ELMOD3: variants seen among roughly 807,000 people sequenced by gnomAD.
ELMOD3 encodes ELMO domain-containing protein 3.
Under a neutral mutation model 47.4 loss-of-function variants are expected in ELMOD3, and 36 were observed. That is an observed-to-expected ratio of 0.76 (90% CI 0.58 to 1.00). ELMOD3 has a LOEUF of 1.00. ELMOD3 is among the 50% of genes least tolerant of loss of function. The pLI, the probability that ELMOD3 is intolerant of heterozygous loss-of-function variation, is 0.00. For missense variants in ELMOD3, 404 were observed against 463.8 expected (o/e 0.87, Z 1.18); for synonymous variants, 149 against 183.5 (o/e 0.81, Z 1.52).
chr2:85,358,279 C>CAAA (rs1019363756), intron 4 of ELMOD3, among the ~76,000 whole-genome samples: 6 of 55,770 alleles, frequency 1.1e-4, no homozygotes, highest in East Asian at 9.1e-4. Flanking sequence ...ACTCTGTCTC[C>CAAA]AAAAAAAAAA....
chr2:85,390,837 G>A lies in ELMOD3; in HGVS notation c.1021G>A (p.Gly341Arg). Reference sequence around the variant, plus strand: ...GCTGTACTTGGCCAGGGTGTCAAAGGGACAGGCCTCCTTGTTGGGAGCACA... The same window carrying A: ...GCTGTACTTGGCCAGGGTGTCAAAGAGACAGGCCTCCTTGTTGGGAGCACA... ...LELYLARVSK[G>R]QASLLGAQKC... The change falls in exon 14 of 14, where the codon GGA (glycine) becomes AGA (arginine). Residue 341 changes from glycine (G) to arginine (R), a missense_variant. Coordinates refer to ENST00000409013, the MANE Select transcript of ELMOD3 (RefSeq NM_001135022.2). The A allele has an allele frequency of 6.4e-7, 1 of 1,551,618 alleles. No homozygotes were observed. Among genetic ancestry groups the A allele is most frequent in the Non-Finnish European group, 8.7e-7 (1 of 1,146,990 alleles).
At chr2:85,360,781 T>C (rs1683897794) in intron 4 of ELMOD3, 1 of 258,040 alleles carries the variant, frequency 3.9e-6, no homozygotes, top group Admixed American at 4.7e-5. Flanking sequence ...GCCCTTTACA[T>C]TTTTACATAA....
At chr2:85,389,545 C>T (rs1406035552) in intron 11 of ELMOD3, 7 of 599,142 alleles carry the variant, frequency 1.2e-5, no homozygotes, top group Non-Finnish European at 1.8e-5. Context: ...GTTCCCATGC[C>T]TTAGGAAAGT....
Position 85,362,762 on chromosome 2 carries a change from T to G in ELMOD3, c.130-335T>G, listed in dbSNP as rs903547015. Reference sequence around the variant, plus strand: ...AGTGAAACTCCATCTGTACTAAAAATACAAAACTAGCTGGGTGTGGTGATG... The same window carrying G: ...AGTGAAACTCCATCTGTACTAAAAAGACAAAACTAGCTGGGTGTGGTGATG... On this transcript the variant is annotated intron_variant, in intron 5 of 13. Coordinates refer to ENST00000409013, the MANE Select transcript of ELMOD3 (RefSeq NM_001135022.2). Among the ~76,000 whole-genome samples the G allele has an allele frequency of 3.3e-5, 5 of 152,072 alleles. 1 individual carries two copies. The Middle Eastern group carries it at 0.01, about 310-fold the overall frequency.
At chr2:85,360,397 A>C (rs1190373368) in intron 4 of ELMOD3, among the ~76,000 whole-genome samples, 1 of 146,016 alleles carries the variant, frequency 6.8e-6, no homozygotes, top group East Asian at 2.1e-4. Flanking sequence ...TCTGTTGCCC[A>C]GGCTGGAGTG....
At chr2:85,358,754 C>T (rs892010298) in intron 4 of ELMOD3, among the ~76,000 whole-genome samples, 3 of 151,404 alleles carry the variant, frequency 2.0e-5, no homozygotes, top group African/African-American at 7.3e-5. Context: ...TGGCATAATA[C>T]ATTCACATGG....
At chr2:85,368,659 G>A in intron 6 of ELMOD3, 27 bp from the exon 7 acceptor site, 2 of 1,612,908 alleles carry the variant, frequency 1.2e-6, no homozygotes, top group East Asian at 4.5e-5. Context: ...AGATCTCAGA[G>A]GGTCTCCTTT....
In ELMOD3 at chr2:85,390,244, G is replaced by T. The variant is rs754957701; in HGVS notation, c.922G>T (p.Asp308Tyr). The T allele has an allele frequency of 6.2e-7, 1 of 1,614,194 alleles. No individual in the cohort carries two copies. The highest frequency in any genetic ancestry group is 1.7e-5 in the Admixed American group (1 of 60,024). ...GAGGACACAGCGGAAGACCATCTCAGACTCGGGCTTTGTCCTCAAAGGTGT... is the reference window on the plus strand; with the variant it reads ...GAGGACACAGCGGAAGACCATCTCATACTCGGGCTTTGTCCTCAAAGGTGT... ...VWRTQRKTISDSGFVLKELEV... is the reference protein window; with the variant it reads ...VWRTQRKTISYSGFVLKELEV... Residue 308 changes from aspartate to tyrosine, a missense_variant, in exon 13 of 14, where the codon GAC becomes TAC. Transcript: ENST00000409013.
intron 6 of ELMOD3, among the ~76,000 whole-genome samples, chr2:85,365,401 A>T (rs1385816760): frequency 6.6e-6 from 1 of 151,804 alleles, no homozygotes; most frequent in Non-Finnish European, 1.5e-5. Flanking sequence ...GAGAATTAAT[A>T]AATAAGCTGA....
rs1485890684 is a variant in ELMOD3 at position 85,371,119 on chromosome 2, C to T, written c.394C>T (p.Leu132Phe). ...RIQPTIRRTG[L>F]AALRHYLFGP... is the part of the protein sequence containing the mutation. Reference sequence around the variant, plus strand: ...CCAGCCAACTATTCGAAGGACTGGGCTCGCCGCCCTCCGACACTACCTCTT... The same window carrying T: ...CCAGCCAACTATTCGAAGGACTGGGTTCGCCGCCCTCCGACACTACCTCTT... The change falls in exon 9 of 14, where the codon CTC becomes TTC. Residue 132 changes from leucine (L) to phenylalanine (F), a missense_variant. Leu to Phe is a conservative substitution (Grantham distance 22). Coordinates refer to ENST00000409013, the MANE Select transcript of ELMOD3 (RefSeq NM_001135022.2). 6.2e-7 allele frequency: 1 copy of T among 1,614,220 alleles called. No homozygotes were observed. The highest frequency in any genetic ancestry group is 8.5e-7 in the Non-Finnish European group (1 of 1,180,016).
At chr2:85,384,032 C>T (rs1685761708) in intron 11 of ELMOD3, among the ~76,000 whole-genome samples, 1 of 152,108 alleles carries the variant, frequency 6.6e-6, no homozygotes, top group Non-Finnish European at 1.5e-5. Context: ...GAAGCAAAAG[C>T]GGGATGACTG....
In ELMOD3 at chr2:85,391,174, C is replaced by T; in HGVS notation, c.*212C>T. 3.5e-6 allele frequency: 2 copies of T among 568,266 alleles called. No homozygotes were observed. Among genetic ancestry groups the T allele is most frequent in the Non-Finnish European group, 6.3e-6 (2 of 316,754 alleles). 35.2% of individuals were successfully genotyped at this position (568,266 alleles called of 1,614,324 possible). The stretch of plus-strand genomic sequence containing the variant: ...CTTCACCCCCTTCCCGCAGACCTGC[C>T]TCCAGAGCAAGGAGAATTCTGCCTT... On this transcript the variant is annotated 3_prime_UTR_variant, in exon 14 of 14. Coordinates refer to ENST00000409013, the MANE Select transcript of ELMOD3 (RefSeq NM_001135022.2).
At chr2:85,372,623 C>T (rs1236172902) in intron 10 of ELMOD3, 1 of 152,000 alleles carries the variant, frequency 6.6e-6, no homozygotes, top group South Asian at 2.1e-4. Flanking sequence ...GGCATGGTGG[C>T]TCACACCTAT....
Position 85,354,976 on chromosome 2 carries a change from A to G in ELMOD3, c.-371-100A>G, listed in dbSNP as rs551018732. 5.7e-4 allele frequency: 89 copies of G among 157,156 alleles called. No individual in the cohort carries two copies. The Middle Eastern group carries it at 0.017, about 29-fold the overall frequency. The allele number at this position is 157,156 out of a possible 1,614,324, so 9.7% of individuals were successfully genotyped here. A position where few individuals can be genotyped will look rare whatever the true frequency, so the allele number is the denominator to read the frequency against. The stretch of plus-strand genomic sequence containing the variant: ...CCGAGAGTTGTAAGACTGAAAGAGA[A>G]TCCCGACTGGGAGACAGGAGTCCTG... On this transcript the variant is annotated intron_variant, in intron 1 of 13. Coordinates refer to ENST00000409013, the MANE Select transcript of ELMOD3 (RefSeq NM_001135022.2).
At chr2:85,374,779 G>A (rs533850257) in intron 10 of ELMOD3, among the ~76,000 whole-genome samples, 3 of 152,260 alleles carry the variant, frequency 2.0e-5, no homozygotes, top group East Asian at 3.9e-4. Context: ...ACCGTTACAC[G>A]CTAGCCTGGG....
intron 9 of ELMOD3, 22 bp downstream of exon 9, chr2:85,371,231 A>C: frequency 6.2e-7 from 1 of 1,614,214 alleles, no homozygotes. Flanking sequence ...GCGAGCCCAC[A>C]GGGCAGTTGC....
rs1684108402 is a variant in ELMOD3, at chr2:85,363,170, A to G, written c.199+4A>G. 6.3e-7 allele frequency: 1 copy of G among 1,595,194 alleles called. No individual in the cohort carries two copies. Among genetic ancestry groups the G allele is most frequent in the Admixed American group, 1.7e-5 (1 of 59,922 alleles). On this transcript the variant is annotated splice_donor_region_variant and intron_variant, in intron 6 of 13. Coordinates refer to ENST00000409013, the MANE Select transcript of ELMOD3 (RefSeq NM_001135022.2). ...GCTTATGAATGGGAGCCACGTGGTA[A>G]GGTTCCCTTCAGGGCCCTTGGAGTC...
chr2:85,362,937 A>G (rs1287445923), intron 5 of ELMOD3, among the ~76,000 whole-genome samples, 160 bp from the exon 6 acceptor site: 1 of 152,244 alleles, frequency 6.6e-6, no homozygotes, highest in African/African-American at 2.4e-5. Flanking sequence ...ATAAATAAAA[A>G]GTAAAAGAAA....
At chr2:85,368,827 T>C in intron 7 of ELMOD3, 73 bp downstream of exon 7, 1 of 1,505,394 alleles carries the variant, frequency 6.6e-7, no homozygotes. Flanking sequence ...ATGTGGCAAA[T>C]GTTTCTGTGA....
Sources: gnomAD v4.1 joint callset for allele counts (sites outside exome capture counted in the v4.1 genomes callset) on GRCh38, gnomAD v4.1.1 for gene constraint, MANE v1.5 for transcripts, NCBI Gene and HGNC (gene_info 2026-07-23, HGNC 2026-07-21) for gene names.